Variants in PTPRD observed in about 807,000 individuals in gnomAD.
PTPRD encodes receptor-type tyrosine-protein phosphatase delta.
Under a neutral mutation model 214.5 loss-of-function variants are expected in PTPRD, and 34 were observed. The ratio of observed to expected loss-of-function variants is 0.16; its 90% CI spans 0.12 to 0.21. The LOEUF is 0.21. Among genes scored for constraint, PTPRD ranks in the 10% least tolerant of loss-of-function variants. The probability of loss-of-function intolerance (pLI) is 1.00; values close to 1 mark genes in which losing one functional copy is unlikely to be tolerated. For synonymous variants in PTPRD, 1,128 were observed against 845.7 expected (o/e 1.33, Z -5.79); for missense variants, 2,545 against 2,398.7 (o/e 1.06, Z -1.27).
chr9:9,226,652 C>T (rs1032226427), intron 9 of PTPRD, among the ~76,000 whole-genome samples: 4 of 152,018 alleles, frequency 2.6e-5, no homozygotes, highest in Admixed American at 6.6e-5. Flanking sequence ...CTTGGGTAAA[C>T]AGTTGGAATG....
rs1315472138 is a variant in PTPRD at position 9,516,577 on chromosome 9, T to A, written c.-237+58155A>T. ...TATTTGAGATGGATTCTTGCTCTGT[T>A]GCCAGGCTGGAGTGCAATGGCACTA... is the stretch of plus-strand genomic sequence containing the variant. On this transcript the variant is annotated intron_variant, in intron 8 of 45. Coordinates refer to ENST00000381196, the MANE Select transcript of PTPRD (RefSeq NM_002839.4). 9.9e-5 allele frequency among the ~76,000 whole-genome samples: 15 copies of A among 151,924 alleles called. No individual in the cohort carries two copies. In the East Asian group the frequency reaches 2.9e-3, roughly 29 times the overall value.
intron 32 of PTPRD, among the ~76,000 whole-genome samples, chr9:8,460,863 T>C (rs983917182): frequency 3.3e-5 from 5 of 152,224 alleles, no homozygotes; most frequent in Middle Eastern, 3.4e-3. Context: ...GTGTATTAAA[T>C]GATCCTATGA....
chr9:10,406,478 T>C (rs114922438), intron 2 of PTPRD, among the ~76,000 whole-genome samples: 1 of 151,580 alleles, frequency 6.6e-6, no homozygotes, highest in Non-Finnish European at 1.5e-5. Flanking sequence ...ATCAAAAATC[T>C]TGACAACATT....
intron 3 of PTPRD, among the ~76,000 whole-genome samples, chr9:10,278,996 G>C (rs574107951): frequency 1.3e-4 from 20 of 152,120 alleles, no homozygotes; most frequent in Non-Finnish European, 2.5e-4. Context: ...GGATGATCTC[G>C]ATCTCCTGGC....
intron 3 of PTPRD, among the ~76,000 whole-genome samples, chr9:10,329,844 T>C (rs1230172868): frequency 6.6e-6 from 1 of 151,860 alleles, no homozygotes; most frequent in Non-Finnish European, 1.5e-5. Context: ...CATTTAAAAT[T>C]GCATAACCAT....
At chr9:9,273,997 C>T (rs933871490) in intron 9 of PTPRD, among the ~76,000 whole-genome samples, 2 of 151,288 alleles carry the variant, frequency 1.3e-5, no homozygotes, top group African/African-American at 4.8e-5. Flanking sequence ...CATCCTGCCA[C>T]ATCCTCCTAT....
At chr9:9,157,138 A>G (rs1020764527) in intron 10 of PTPRD, among the ~76,000 whole-genome samples, 9 of 152,366 alleles carry the variant, frequency 5.9e-5, no homozygotes, top group African/African-American at 2.2e-4. Flanking sequence ...AGTAGCCCAA[A>G]GACAGAAATT....
chr9:10,304,364 G>C (rs144245230), intron 3 of PTPRD, among the ~76,000 whole-genome samples: 1 of 152,110 alleles, frequency 6.6e-6, no homozygotes, highest in African/African-American at 2.4e-5. Flanking sequence ...AGACAAGGAT[G>C]CCCTCTCTCT....
intron 2 of PTPRD, among the ~76,000 whole-genome samples, chr9:10,584,062 GA>G (rs2073042379): frequency 6.6e-6 from 1 of 151,914 alleles, no homozygotes; most frequent in Non-Finnish European, 1.5e-5. Context: ...TTTTCTCTTA[GA>G]AATGTCTTTC....
At chr9:9,228,688 A>G (rs1206988898) in intron 9 of PTPRD, among the ~76,000 whole-genome samples, 3 of 152,126 alleles carry the variant, frequency 2.0e-5, no homozygotes, top group Non-Finnish European at 4.4e-5. Context: ...AAATCTTACA[A>G]TGTCATAGAG....
intron 2 of PTPRD, among the ~76,000 whole-genome samples, chr9:10,351,674 T>C (rs1181733633): frequency 1.3e-5 from 2 of 151,808 alleles, no homozygotes; most frequent in African/African-American, 4.8e-5. Context: ...TTTTTTTTTT[T>C]TTTAATGACA....
intron 8 of PTPRD, among the ~76,000 whole-genome samples, chr9:9,398,686 A>C (rs1485209858): frequency 1.3e-5 from 2 of 152,052 alleles, no homozygotes; most frequent in Non-Finnish European, 2.9e-5. Flanking sequence ...TTTCAATCAT[A>C]TGGGAATACA....
intron 2 of PTPRD, among the ~76,000 whole-genome samples, chr9:10,440,299 G>A (rs1039946252): frequency 6.6e-6 from 1 of 151,598 alleles, no homozygotes; most frequent in African/African-American, 2.4e-5. Flanking sequence ...TATTTTTGTT[G>A]TCATTTTAGT....
intron 2 of PTPRD, among the ~76,000 whole-genome samples, chr9:10,436,675 A>C (rs1442517886): frequency 6.6e-6 from 1 of 151,806 alleles, no homozygotes; most frequent in Non-Finnish European, 1.5e-5. Flanking sequence ...TGCTTGAAAT[A>C]AGTTCTAATC....
intron 5 of PTPRD, among the ~76,000 whole-genome samples, chr9:9,910,892 C>T (rs992977072): frequency 6.6e-6 from 1 of 151,980 alleles, no homozygotes; most frequent in Non-Finnish European, 1.5e-5. Context: ...TGTCAAAACC[C>T]AACAATCATT....
intron 2 of PTPRD, among the ~76,000 whole-genome samples, chr9:10,513,343 G>A (rs1245886740): frequency 6.6e-6 from 1 of 152,132 alleles, no homozygotes; most frequent in East Asian, 1.9e-4. Context: ...TTTCTTGTGA[G>A]ACACTCAGCT....
intron 2 of PTPRD, among the ~76,000 whole-genome samples, chr9:10,430,519 AT>A: frequency 6.6e-6 from 1 of 152,014 alleles, no homozygotes; most frequent in African/African-American, 2.4e-5. Flanking sequence ...TTCACTCTTT[AT>A]AAGGCATATA....
chr9:10,200,935 T>G (rs2099417463), intron 3 of PTPRD, among the ~76,000 whole-genome samples: 1 of 152,118 alleles, frequency 6.6e-6, no homozygotes, highest in Admixed American at 6.6e-5. Context: ...TTTGCATTTA[T>G]TAATCATGAG....
intron 5 of PTPRD, among the ~76,000 whole-genome samples, chr9:9,854,223 T>C (rs1487841375): frequency 6.6e-6 from 1 of 152,170 alleles, no homozygotes; most frequent in Non-Finnish European, 1.5e-5. Context: ...TAAGGTACTA[T>C]GCAGCTTTGA....
Sources: gnomAD v4.1 joint callset for allele counts (sites outside exome capture counted in the v4.1 genomes callset) on GRCh38, gnomAD v4.1.1 for gene constraint, MANE v1.5 for transcripts, NCBI Gene and HGNC (gene_info 2026-07-23, HGNC 2026-07-21) for gene names.